AK5: variants seen among roughly 807,000 people sequenced by gnomAD.
AK5 encodes the protein adenylate kinase isoenzyme 5.
In AK5, 27 loss-of-function variants were observed where a neutral mutation model predicts 69.5. That is an observed-to-expected ratio of 0.39 (90% CI 0.29 to 0.54). The LOEUF is 0.54. AK5 is among the 20% of genes least tolerant of loss of function. The pLI, the probability that AK5 is intolerant of heterozygous loss-of-function variation, is 0.71. For synonymous variants in AK5, 260 were observed against 244.4 expected (o/e 1.06, Z -0.60); for missense variants, 531 against 700.4 (o/e 0.76, Z 2.73).
chr1:77,320,822 T>G (rs1163395263), intron 5 of AK5, among the ~76,000 whole-genome samples: 3 of 152,100 alleles, frequency 2.0e-5, no homozygotes, highest in East Asian at 3.9e-4. Context: ...AAAGTAGACT[T>G]CAGACAGAGT....
intron 2 of AK5, 194 bp from the exon 3 acceptor site, chr1:77,293,599 C>T (rs181704265): frequency 3.7e-4 from 168 of 457,470 alleles, no homozygotes; most frequent in Admixed American, 2.4e-3. Flanking sequence ...AGAAACTGCA[C>T]GGCTCTCAAA....
chr1:77,365,288 G>C (rs929396583), intron 6 of AK5, among the ~76,000 whole-genome samples: 2 of 152,072 alleles, frequency 1.3e-5, no homozygotes, highest in African/African-American at 4.8e-5. Flanking sequence ...TGAATAGTTT[G>C]CAAGTATCTT....
At chr1:77,367,580 A>ATAGATATGT (rs1646984690) in intron 6 of AK5, among the ~76,000 whole-genome samples, 1 of 2,318 alleles carries the variant, frequency 4.3e-4, no homozygotes, top group Admixed American at 8.6e-3. Flanking sequence ...TATATATATA[A>ATAGATATGT]TATATATGTT....
chr1:77,416,405 A>G (rs937729168), intron 7 of AK5, among the ~76,000 whole-genome samples: 1 of 152,070 alleles, frequency 6.6e-6, no homozygotes, highest in Non-Finnish European at 1.5e-5. Context: ...TGCAACTGCA[A>G]CTCTTCATGG....
At chr1:77,367,576 T>TATATATATATATATATATATATAA in intron 6 of AK5, among the ~76,000 whole-genome samples, 1 of 11,254 alleles carries the variant, frequency 8.9e-5, no homozygotes, top group East Asian at 1.1e-3. Context: ...TATATATATA[T>TATATATATATATATATATATATAA]ATAATATATA....
At chr1:77,387,416 A>C (rs1252956343) in intron 6 of AK5, among the ~76,000 whole-genome samples, 1 of 152,098 alleles carries the variant, frequency 6.6e-6, no homozygotes, top group East Asian at 1.9e-4. Context: ...TGTCACTGTA[A>C]ATTTCTAGAA....
chr1:77,475,195 A>ATATATATGTG (rs1182380859), intron 8 of AK5, among the ~76,000 whole-genome samples: 426 of 28,926 alleles, frequency 0.015, 1 homozygote, highest in African/African-American at 0.026. Flanking sequence ...ATATATATAT[A>ATATATATGTG]TGTGTGTGTG....
intron 5 of AK5, among the ~76,000 whole-genome samples, chr1:77,306,568 G>T (rs1212194530): frequency 2.6e-5 from 2 of 75,742 alleles, no homozygotes; most frequent in South Asian, 4.5e-4. Flanking sequence ...TCTTTTTTTT[G>T]ATACGTCTTT....
At position 77,367,579 on chromosome 1, in the gene AK5, A is replaced by ATATATATATATAT. The variant is rs71075732; in HGVS notation, c.891+27011_891+27012insTATATATATATAT. The stretch of plus-strand genomic sequence containing the variant: ...TTTTTATATATATATATATATATAT[A>ATATATATATATAT]ATATATATGTTATATATGTAATATA... On this transcript the variant is annotated intron_variant, in intron 6 of 13. Coordinates refer to ENST00000354567, the MANE Select transcript of AK5 (RefSeq NM_174858.3). Among the ~76,000 whole-genome samples the ATATATATATATAT allele has an allele frequency of 2.1e-3, 114 of 53,358 alleles. 1 individual carries two copies. Among genetic ancestry groups the ATATATATATATAT allele is most frequent in the South Asian group, 3.2e-3 (5 of 1,546 alleles). The allele number at this position is 53,358 out of a possible 152,430, so 35.0% of individuals were successfully genotyped here.
At position 77,293,812 on chromosome 1, in the gene AK5, C is replaced by T. The variant is rs755610617; in HGVS notation, c.267C>T (p.Asn89=). Residue 89 remains asparagine (N), a synonymous_variant, in exon 3 of 14, where the codon AAC becomes AAT. Coordinates refer to ENST00000354567, the MANE Select transcript of AK5 (RefSeq NM_174858.3). ...TTGCAGTAATGCCTGAAAACTCAAACTTTCCATATCGGCGGTATGACCGGC... is the reference window on the plus strand; with the variant it reads ...TTGCAGTAATGCCTGAAAACTCAAATTTTCCATATCGGCGGTATGACCGGC... ...FLRNVMPENS[N]FPYRRYDRLP... 3.1e-6 allele frequency: 5 copies of T among 1,600,524 alleles called. No individual in the cohort carries two copies. In the East Asian group the frequency reaches 9.0e-5, roughly 29 times the overall value.
At chr1:77,378,957 A>T (rs1226781834) in intron 6 of AK5, among the ~76,000 whole-genome samples, 1 of 152,192 alleles carries the variant, frequency 6.6e-6, no homozygotes, top group Non-Finnish European at 1.5e-5. Context: ...CTGCTTTCAT[A>T]GTCTTGGAGG....
At chr1:77,509,034 A>G (rs1485784350) in intron 10 of AK5, among the ~76,000 whole-genome samples, 2 of 152,172 alleles carry the variant, frequency 1.3e-5, no homozygotes, top group African/African-American at 2.4e-5. Context: ...CTAGCACCCA[A>G]AGAGGCAAAG....
At chr1:77,377,930 T>G (rs1647354547) in intron 6 of AK5, among the ~76,000 whole-genome samples, 1 of 152,236 alleles carries the variant, frequency 6.6e-6, no homozygotes, top group Non-Finnish European at 1.5e-5. Context: ...TCTATGAAAC[T>G]TTTCTCCTTT....
chr1:77,488,063 GAT>G (rs912896586), intron 10 of AK5, among the ~76,000 whole-genome samples: 21 of 152,280 alleles, frequency 1.4e-4, no homozygotes, highest in African/African-American at 4.8e-4. Context: ...TAAGCAGAGA[GAT>G]AAAAGGAGAG....
At chr1:77,385,269 C>T (rs921532201) in intron 6 of AK5, among the ~76,000 whole-genome samples, 2 of 152,130 alleles carry the variant, frequency 1.3e-5, no homozygotes, top group Non-Finnish European at 2.9e-5. Context: ...ACGCCATTCT[C>T]CTGCCTCAGC....
chr1:77,461,544 G>A (rs1653843425), intron 8 of AK5, among the ~76,000 whole-genome samples: 2 of 151,574 alleles, frequency 1.3e-5, no homozygotes, highest in African/African-American at 4.8e-5. Flanking sequence ...GGCCTAGGTG[G>A]GCAGATCACG....
At chr1:77,291,535 A>G (rs1658685280) in intron 2 of AK5, among the ~76,000 whole-genome samples, 1 of 152,082 alleles carries the variant, frequency 6.6e-6, no homozygotes, top group African/African-American at 2.4e-5. Flanking sequence ...TACTAGATTA[A>G]AGCTAAACCC....
chr1:77,451,607 A>G (rs946952500), intron 8 of AK5, among the ~76,000 whole-genome samples: 6 of 152,232 alleles, frequency 3.9e-5, no homozygotes, highest in African/African-American at 1.4e-4. Context: ...CTGAATCTCA[A>G]TTTGCACATG....
intron 6 of AK5, among the ~76,000 whole-genome samples, chr1:77,398,932 A>G (rs1649012999): frequency 6.6e-6 from 1 of 152,102 alleles, no homozygotes; most frequent in Admixed American, 6.5e-5. Flanking sequence ...CTAAAAGTTT[A>G]TTTATTTGAC....
Sources: allele counts gnomAD v4.1 joint callset (sites outside exome capture counted in the v4.1 genomes callset), GRCh38; gene constraint gnomAD v4.1.1; transcripts MANE v1.5; gene names NCBI Gene and HGNC (gene_info 2026-07-23, HGNC 2026-07-21).